The following CDC16 variants were observed in gnomAD, a reference collection of about 807,000 sequenced individuals.
CDC16 encodes cell division cycle protein 16 homolog.
CDC16 carries 34 observed loss-of-function variants against 87.0 expected under a neutral mutation model. That is an observed-to-expected ratio of 0.39 (90% CI 0.30 to 0.52). The LOEUF (loss-of-function observed/expected upper bound fraction) is 0.52. Ranked by LOEUF, CDC16 falls within the 20% of genes least tolerant of loss-of-function variation. The pLI, the probability that CDC16 is intolerant of heterozygous loss-of-function variation, is 0.74. For missense variants in CDC16, 653 were observed against 751.9 expected (o/e 0.87, Z 1.54); for synonymous variants, 263 against 260.6 (o/e 1.01, Z -0.09).
intron 9 of CDC16, 113 bp from the exon 10 acceptor site, chr13:114,245,887 G>T: frequency 1.5e-6 from 1 of 653,570 alleles, no homozygotes. Flanking sequence ...AGACAAGTAT[G>T]AAATCATTGC....
chr13:114,262,848 C>G (rs1232700022), intron 15 of CDC16, 31 bp from the exon 16 acceptor site: 37 of 1,612,886 alleles, frequency 2.3e-5, no homozygotes, highest in Non-Finnish European at 2.9e-5. Context: ...AGTGCTTTTA[C>G]TGTAGCCAAT....
At chr13:114,241,480 C>T (rs915773306) in intron 5 of CDC16, among the ~76,000 whole-genome samples, 1 of 152,194 alleles carries the variant, frequency 6.6e-6, no homozygotes, top group Non-Finnish European at 1.5e-5. Flanking sequence ...CACTGTCAAT[C>T]TTGGAGTTTT....
At position 114,236,844 on chromosome 13, in the gene CDC16, C is replaced by G; in HGVS notation, c.149C>G (p.Thr50Arg). The G allele has an allele frequency of 6.2e-7, 1 of 1,611,186 alleles. No individual in the cohort carries two copies. The highest frequency in any genetic ancestry group is 8.5e-7 in the Non-Finnish European group (1 of 1,179,008). Reference sequence around the variant, plus strand: ...TGGTTGGCTCAGTGTCTTTACCTGACAGCACAATATCACAGAGCCGCCCAT... The same window carrying G: ...TGGTTGGCTCAGTGTCTTTACCTGAGAGCACAATATCACAGAGCCGCCCAT... ...IYWLAQCLYL[T>R]AQYHRAAHAL... Residue 50 changes from threonine (T) to arginine (R), a missense_variant, in exon 3 of 18, where the codon ACA becomes AGA. Thr to Arg is a moderately conservative substitution (Grantham distance 71). Coordinates refer to ENST00000356221, the MANE Select transcript of CDC16 (RefSeq NM_001078645.3).
intron 17 of CDC16, among the ~76,000 whole-genome samples, chr13:114,267,395 G>T (rs1346603883): frequency 3.3e-5 from 5 of 152,116 alleles, no homozygotes; most frequent in African/African-American, 1.2e-4. Flanking sequence ...CAGCTACTCA[G>T]GAGGCTGAGG....
chr13:114,239,268 T>C (rs1037247124), intron 4 of CDC16, 82 bp from the exon 5 acceptor site: 5 of 1,524,144 alleles, frequency 3.3e-6, no homozygotes, highest in Non-Finnish European at 4.4e-6. Flanking sequence ...GGGCATAGTA[T>C]ATGTTATCCT....
At chr13:114,258,007 G>A (rs17338166) in intron 13 of CDC16, among the ~76,000 whole-genome samples, 5,411 of 152,016 alleles carry the variant, frequency 0.036, 128 homozygotes, top group Non-Finnish European at 0.049. Flanking sequence ...GGCTGGTCTC[G>A]AACTCCTGAC....
chr13:114,238,697 A>G (rs971527700), intron 3 of CDC16, among the ~76,000 whole-genome samples: 4 of 152,168 alleles, frequency 2.6e-5, no homozygotes, highest in Non-Finnish European at 5.9e-5. Flanking sequence ...TTACTTCTCC[A>G]CCTGGTTGAT....
At chr13:114,250,470 C>T (rs1051797012) in intron 11 of CDC16, 79 bp from the exon 12 acceptor site, 23 of 1,371,290 alleles carry the variant, frequency 1.7e-5, no homozygotes, top group African/African-American at 1.4e-4. Context: ...CCAGCCTGAG[C>T]GACAAAGTGA....
At chr13:114,242,700 G>A (rs1362328965) in intron 6 of CDC16, 1 of 168,488 alleles carries the variant, frequency 5.9e-6, no homozygotes, top group Non-Finnish European at 1.3e-5. Flanking sequence ...TATGTTGGCA[G>A]TGGTGTGAGG....
rs1207363594 is a variant in CDC16 at position 114,235,124 on chromosome 13, C to T, written c.40C>T (p.Leu14Phe). ...ERLRKRVRQY[L>F]DQQQYQSALF... ...GCTGCGGAAGCGCGTCCGGCAGTAC[C>T]TCGACCAGGTGGGCGGCCCCGACTC... The change falls in exon 1 of 18, where the codon CTC (leucine) becomes TTC (phenylalanine). Residue 14 changes from leucine to phenylalanine, a missense_variant. Transcript: ENST00000356221. 4.0e-6 allele frequency: 5 copies of T among 1,244,796 alleles called. No homozygotes were observed. Among genetic ancestry groups the T allele is most frequent in the East Asian group, 3.1e-5 (1 of 31,840 alleles). 77.1% of individuals were successfully genotyped at this position (1,244,796 alleles called of 1,614,324 possible).
At chr13:114,264,366 T>G (rs970011541) in intron 16 of CDC16, 1 of 152,246 alleles carries the variant, frequency 6.6e-6, no homozygotes, top group East Asian at 1.9e-4. Context: ...ACCAATATGG[T>G]GAAACCCCGT....
rs1343440319 is a variant in CDC16 at position 114,244,935 on chromosome 13, T to C, written c.813T>C (p.His271=). Residue 271 remains histidine (H), a synonymous_variant, in exon 9 of 18, where the codon CAT becomes CAC. Coordinates refer to ENST00000356221, the MANE Select transcript of CDC16 (RefSeq NM_001078645.3). Reference sequence around the variant, plus strand: ...TCCATGCAAGTTGTTTACCTGTACATATAGGGACGCTTGTAGAGCTGAATA... The same window carrying C: ...TCCATGCAAGTTGTTTACCTGTACACATAGGGACGCTTGTAGAGCTGAATA... The part of the protein sequence containing the change: ...DPFHASCLPV[H]IGTLVELNKA... 1.2e-6 allele frequency: 2 copies of C among 1,609,870 alleles called. No homozygotes were observed. Among genetic ancestry groups the C allele is most frequent in the African/African-American group, 1.3e-5 (1 of 74,764 alleles).
chr13:114,258,665 A>G (rs2139086029), intron 13 of CDC16, among the ~76,000 whole-genome samples: 1 of 152,358 alleles, frequency 6.6e-6, no homozygotes, highest in African/African-American at 2.4e-5. Flanking sequence ...GTCTTTAAAT[A>G]GAAACACACA....
At chr13:114,262,015 T>C in intron 15 of CDC16, 67 bp downstream of exon 15, 1 of 967,544 alleles carries the variant, frequency 1.0e-6, no homozygotes. Flanking sequence ...TTTGAATACT[T>C]TGTCATATTC....
chr13:114,239,995 A>G (rs1029207594), intron 5 of CDC16, among the ~76,000 whole-genome samples: 3 of 147,694 alleles, frequency 2.0e-5, no homozygotes, highest in African/African-American at 7.9e-5. Flanking sequence ...ACATTTACAG[A>G]TCACTAATCT....
chr13:114,236,555 A>G, intron 1 of CDC16, 90 bp from the exon 2 acceptor site: 2 of 1,043,494 alleles, frequency 1.9e-6, no homozygotes, highest in African/African-American at 1.7e-5. Flanking sequence ...ATATTAATAT[A>G]TTACATAGAA....
chr13:114,234,906 G>T lies in CDC16; in HGVS notation c.-179G>T. The T allele has an allele frequency of 2.5e-6, 1 of 395,524 alleles. No homozygotes were observed. Among genetic ancestry groups the T allele is most frequent in the Non-Finnish European group, 4.4e-6 (1 of 226,400 alleles). 24.5% of individuals were successfully genotyped at this position (395,524 alleles called of 1,614,324 possible). A position where few individuals can be genotyped will look rare whatever the true frequency, so the allele number is the denominator to read the frequency against. The stretch of plus-strand genomic sequence containing the variant: ...GCGGAAGAGCCTGGGCAGTGCACGG[G>T]GCCTGGGTGGGGGGTGCGGGTGTGG... On this transcript the variant is annotated 5_prime_UTR_variant, in exon 1 of 18. Transcript: ENST00000356221.
In CDC16 at chr13:114,242,232, GA is replaced by G; in HGVS notation, c.495del (p.Ala166ArgfsTer5). ...TTTGAAGCTTGATGTCTACTGTTTTGAAGCGTTCGATCTTTTAACATCACAT... is the reference window on the plus strand; with the variant it reads ...TTTGAAGCTTGATGTCTACTGTTTTGAGCGTTCGATCTTTTAACATCACAT... Reference protein sequence around the residue: ...EALKLDVYCFEAFDLLTSHHM... With the variant: ...EALKLDVYCFXAFDLLTSHHM... On this transcript the variant is annotated frameshift_variant, in exon 6 of 18. Transcript: ENST00000356221. LOFTEE classifies it high-confidence loss of function. 2 of 1,614,104 alleles carry G rather than the reference GA, an allele frequency of 1.2e-6. No individual in the cohort carries two copies. The highest frequency in any genetic ancestry group is 1.1e-5 in the South Asian group (1 of 91,070).
intron 9 of CDC16, chr13:114,245,648 T>C: frequency 5.0e-6 from 1 of 201,380 alleles, no homozygotes; most frequent in East Asian, 1.4e-4. Flanking sequence ...ATCATTGATC[T>C]GATAAACTTG....
Sources: allele counts gnomAD v4.1 joint callset (sites outside exome capture counted in the v4.1 genomes callset), GRCh38; gene constraint gnomAD v4.1.1; transcripts MANE v1.5; gene names NCBI Gene and HGNC (gene_info 2026-07-23, HGNC 2026-07-21).